The following TARS3 variants were observed in gnomAD, a reference collection of about 807,000 sequenced individuals.
TARS3 encodes threonyl-tRNA synthetase 3, also known as threonine--tRNA ligase 2, cytoplasmic.
Under a neutral mutation model 103.5 loss-of-function variants are expected in TARS3, and 94 were observed. That is an observed-to-expected ratio of 0.91 (90% confidence interval 0.77 to 1.08). The LOEUF (loss-of-function observed/expected upper bound fraction) is 1.08, where lower values mean the gene tolerates loss of function less well. Ranked by LOEUF, TARS3 falls within the 50% of genes least tolerant of loss-of-function variation. TARS3 has a pLI of 0.00. For synonymous variants in TARS3, 416 were observed against 355.4 expected (o/e 1.17, Z -1.92); for missense variants, 952 against 995.2 (o/e 0.96, Z 0.58).
chr15:101,701,412 G>A (rs1005290965), intron 9 of TARS3, among the ~76,000 whole-genome samples: 7 of 152,150 alleles, frequency 4.6e-5, no homozygotes, highest in South Asian at 2.1e-4. Context: ...TATTCTCTGC[G>A]AATTTTCTTA....
intron 5 of TARS3, 134 bp from the exon 6 acceptor site, chr15:101,709,044 G>A (rs967119551): frequency 2.6e-5 from 16 of 614,230 alleles, no homozygotes; most frequent in Admixed American, 5.9e-5. Context: ...AAAGTCAAAC[G>A]TTCATACAGT....
chr15:101,654,668 G>A lies in TARS3; in HGVS notation c.2323C>T (p.His775Tyr), dbSNP rs776166192. ...GCAGAAGTTACTAAAATCTCTCCAT[G>A]AATTTTGTTGTCTCTTGTTCGCACG... Reference protein sequence around the residue: ...VNVRTRDNKIHGEILVTSAID... With the variant: ...VNVRTRDNKIYGEILVTSAID... The change falls in exon 19 of 19, where the codon CAT (histidine) becomes TAT (tyrosine). Residue 775 changes from histidine to tyrosine, a missense_variant. Around this residue, in one of 2 missense-constraint regions of TARS3, gnomAD observed 540 missense variants for 631.0 expected, o/e 0.86. Transcript: ENST00000335968. The A allele has an allele frequency of 8.7e-6, 14 of 1,613,936 alleles. No individual in the cohort carries two copies. The South Asian group carries it at 1.4e-4, about 16-fold the overall frequency.
chr15:101,682,119 T>C (rs1313348030), intron 12 of TARS3, among the ~76,000 whole-genome samples: 1 of 152,226 alleles, frequency 6.6e-6, no homozygotes, highest in African/African-American at 2.4e-5. Context: ...AGGTGTTTTT[T>C]ATTTCTCTTT....
At chr15:101,689,704 G>A (rs1373857828) in intron 10 of TARS3, among the ~76,000 whole-genome samples, 1 of 152,156 alleles carries the variant, frequency 6.6e-6, no homozygotes, top group East Asian at 1.9e-4. Context: ...GGGTTTTAGA[G>A]GGAACACAGC....
At chr15:101,690,074 C>T (rs144189836) in intron 10 of TARS3, among the ~76,000 whole-genome samples, 1 of 152,220 alleles carries the variant, frequency 6.6e-6, no homozygotes, top group African/African-American at 2.4e-5. Context: ...GATGACACAT[C>T]GGCTGATCGG....
chr15:101,700,655 T>TC (rs935275229), intron 10 of TARS3, among the ~76,000 whole-genome samples: 31 of 152,194 alleles, frequency 2.0e-4, no homozygotes, highest in African/African-American at 7.2e-4. Flanking sequence ...TTTTTTTTTT[T>TC]TTTCTTTGAG....
At chr15:101,693,588 C>T (rs544477372) in intron 10 of TARS3, among the ~76,000 whole-genome samples, 1 of 152,212 alleles carries the variant, frequency 6.6e-6, no homozygotes, top group Non-Finnish European at 1.5e-5. Flanking sequence ...TATGTTCATA[C>T]AAAAAACTGT....
Position 101,686,016 on chromosome 15 carries a change from A to C in TARS3, c.1367T>G (p.Met456Arg). The C allele has an allele frequency of 6.2e-7, 1 of 1,613,454 alleles. No homozygotes were observed. The highest frequency in any genetic ancestry group is 8.5e-7 in the Non-Finnish European group (1 of 1,179,574). ...RDFTEVLSPNMYNSKLWEASG... is the reference protein window; with the variant it reads ...RDFTEVLSPNRYNSKLWEASG... The stretch of plus-strand genomic sequence containing the variant: ...GGCTTCCCAGAGTTTACTGTTGTAC[A>C]TATTGGGAGAGAGCACCTCCGTGAA... The change falls in exon 11 of 19, where the codon ATG becomes AGG. Residue 456 changes from methionine (M) to arginine (R), a missense_variant. This residue lies in a region of TARS3 where 540 missense variants were observed against 631.0 expected (regional missense o/e 0.86). Coordinates refer to ENST00000335968, the MANE Select transcript of TARS3 (RefSeq NM_152334.3).
Position 101,704,596 on chromosome 15 carries a change from G to A in TARS3, c.996-659C>T, listed in dbSNP as rs184085659. Among the ~76,000 whole-genome samples, 407 of 151,360 alleles carry A rather than the reference G, an allele frequency of 2.7e-3. 1 individual carries two copies. Among genetic ancestry groups the A allele is most frequent in the African/African-American group, 8.9e-3 (369 of 41,240 alleles). On this transcript the variant is annotated intron_variant, in intron 7 of 18. Transcript: ENST00000335968. ...CTTGAACCTGGGAGGCAGAGGTTGC[G>A]GTGAACCGAGGTCGCGCCATCGCAC...
chr15:101,724,321 G>C lies in TARS3; in HGVS notation c.67C>G (p.Arg23Gly), dbSNP rs1376787970. 1 of 1,567,076 alleles carries C rather than the reference G, an allele frequency of 6.4e-7. No individual in the cohort carries two copies. The highest frequency in any genetic ancestry group is 8.6e-7 in the Non-Finnish European group (1 of 1,163,438). ...SRLERQEEDIRWLWSEVERLR... is the reference protein window; with the variant it reads ...SRLERQEEDIGWLWSEVERLR... ...CGCTCGACCTCCGACCACAGCCAGC[G>C]GATGTCCTCCTCCTGCCGCTCCAGG... Residue 23 changes from arginine (R) to glycine (G), a missense_variant, in exon 1 of 19, where the codon CGC becomes GGC. Physicochemically the swap from Arg to Gly is moderately radical, Grantham distance 125 (BLOSUM62 -2). Coordinates refer to ENST00000335968, the MANE Select transcript of TARS3 (RefSeq NM_152334.3).
At chr15:101,691,199 A>G (rs931727056) in intron 10 of TARS3, among the ~76,000 whole-genome samples, 1 of 152,006 alleles carries the variant, frequency 6.6e-6, no homozygotes, top group Non-Finnish European at 1.5e-5. Flanking sequence ...TCAGCCTCCC[A>G]AAGTGCTGGG....
At chr15:101,707,488 A>G (rs906763829) in intron 6 of TARS3, among the ~76,000 whole-genome samples, 8 of 152,246 alleles carry the variant, frequency 5.3e-5, no homozygotes, top group Admixed American at 6.5e-5. Context: ...CTATCCGTAC[A>G]ATGGAATATT....
chr15:101,694,469 G>A (rs1275208034), intron 10 of TARS3, among the ~76,000 whole-genome samples: 2 of 152,194 alleles, frequency 1.3e-5, no homozygotes, highest in African/African-American at 4.8e-5. Context: ...ACCAGACCAT[G>A]GCCCCTGAGG....
intron 4 of TARS3, among the ~76,000 whole-genome samples, chr15:101,714,289 A>C (rs912333534): frequency 9.9e-5 from 15 of 152,222 alleles, no homozygotes; most frequent in Middle Eastern, 6.8e-3. Context: ...AAGCATTCTA[A>C]CTTAAGGAAA....
rs752456044 is a variant in TARS3 at position 101,656,877 on chromosome 15, T to TG, written c.2260+44dup. The TG allele has an allele frequency of 3.3e-6, 4 of 1,211,072 alleles. 1 individual carries two copies. Among genetic ancestry groups the TG allele is most frequent in the Middle Eastern group, 4.0e-4 (2 of 5,034 alleles). 75.0% of individuals were successfully genotyped at this position (1,211,072 alleles called of 1,614,324 possible). ...CTTATTTGGTCTTTTGGAATTGAAGTGGGAAAAAAAAGCATTTGGAAAAAT... is the reference window on the plus strand; with the variant it reads ...CTTATTTGGTCTTTTGGAATTGAAGTGGGGAAAAAAAAGCATTTGGAAAAAT... On this transcript the variant is annotated intron_variant, in intron 18 of 18. Coordinates refer to ENST00000335968, the MANE Select transcript of TARS3 (RefSeq NM_152334.3).
Position 101,671,471 on chromosome 15 carries a change from C to T in TARS3, c.1967+15G>A, listed in dbSNP as rs777591938. Reference sequence around the variant, plus strand: ...AATATTAGTACTATAATATTTATCACATTCAATCACTCACCTAACATATGT... The same window carrying T: ...AATATTAGTACTATAATATTTATCATATTCAATCACTCACCTAACATATGT... On this transcript the variant is annotated intron_variant, in intron 15 of 18. Transcript: ENST00000335968. The T allele has an allele frequency of 3.6e-5, 56 of 1,564,478 alleles. No homozygotes were observed. The highest frequency in any genetic ancestry group is 4.6e-5 in the Non-Finnish European group (52 of 1,140,038).
chr15:101,658,311 C>CA (rs36121104), intron 16 of TARS3, among the ~76,000 whole-genome samples: 1,301 of 69,768 alleles, frequency 0.019, 29 homozygotes, highest in East Asian at 0.084. Flanking sequence ...ACACCATCAG[C>CA]AAAAAAAAAA....
At chr15:101,721,552 G>C (rs978199392) in intron 2 of TARS3, among the ~76,000 whole-genome samples, 1 of 151,970 alleles carries the variant, frequency 6.6e-6, no homozygotes, top group African/African-American at 2.4e-5. Context: ...TGGAGTGCAG[G>C]GGCACGAAAT....
chr15:101,703,945 G>A lies in TARS3; in HGVS notation c.996-8C>T. ...TCAATTAATGGACCGCACCTATAATGAAATATTTAGGACATGCTCAGGCAC... is the reference window on the plus strand; with the variant it reads ...TCAATTAATGGACCGCACCTATAATAAAATATTTAGGACATGCTCAGGCAC... On this transcript the variant is annotated splice_region_variant and splice_polypyrimidine_tract_variant and intron_variant, in intron 7 of 18. Coordinates refer to ENST00000335968, the MANE Select transcript of TARS3 (RefSeq NM_152334.3). 6.3e-7 allele frequency: 1 copy of A among 1,594,488 alleles called. No homozygotes were observed. The highest frequency in any genetic ancestry group is 8.6e-7 in the Non-Finnish European group (1 of 1,162,610).
Sources: allele counts gnomAD v4.1 joint callset (sites outside exome capture counted in the v4.1 genomes callset), GRCh38; gene constraint gnomAD v4.1.1; regional missense constraint gnomAD v4.1.1; transcripts MANE v1.5; gene names NCBI Gene and HGNC (gene_info 2026-07-23, HGNC 2026-07-21).